Variants in TSPAN15 observed in about 807,000 individuals in gnomAD.
TSPAN15 encodes the protein tetraspanin-15.
In TSPAN15, 20 loss-of-function variants were observed where a neutral mutation model predicts 34.5. That is an observed-to-expected ratio of 0.58 (90% CI 0.41 to 0.84). The LOEUF is 0.84. TSPAN15 is among the 40% of genes least tolerant of loss of function. TSPAN15 has a pLI of 0.00. For synonymous variants in TSPAN15, 155 were observed against 153.9 expected (o/e 1.01, Z -0.05); for missense variants, 313 against 386.1 (o/e 0.81, Z 1.59).
chr10:69,472,792 G>C (rs527574243), intron 1 of TSPAN15, among the ~76,000 whole-genome samples: 16 of 152,364 alleles, frequency 1.1e-4, no homozygotes, highest in Admixed American at 4.6e-4. Context: ...ATTGTGGTTT[G>C]TTTGGCCATT....
intron 1 of TSPAN15, among the ~76,000 whole-genome samples, chr10:69,454,653 C>T (rs942500791): frequency 1.3e-5 from 2 of 152,050 alleles, no homozygotes; most frequent in African/African-American, 4.8e-5. Context: ...TCTGTCTCTA[C>T]TAAAAATACA....
At position 69,507,078 on chromosome 10, in the gene TSPAN15, C is replaced by G. The variant is rs756084852; in HGVS notation, c.*100C>G. 1 of 1,530,960 alleles carries G rather than the reference C, an allele frequency of 6.5e-7. No individual in the cohort carries two copies. The highest frequency in any genetic ancestry group is 1.4e-5 in the African/African-American group (1 of 72,294). 94.8% of individuals were successfully genotyped at this position (1,530,960 alleles called of 1,614,324 possible). A position where few individuals can be genotyped will look rare whatever the true frequency, so the allele number is the denominator to read the frequency against. On this transcript the variant is annotated 3_prime_UTR_variant, in exon 8 of 8. Transcript: ENST00000373290. ...CAGGGCTGCGGCCCCTCTGCCCACA[C>G]TCAGTACTGACCAAAGCCAGGGCTG... is the stretch of plus-strand genomic sequence containing the variant.
chr10:69,523,850 C>A, the TSPAN15 span, among the ~76,000 whole-genome samples: 3 of 148,072 alleles, frequency 2.0e-5, 1 homozygote, highest in Non-Finnish European at 4.5e-5. Flanking sequence ...AGCCCTCCAA[C>A]TTTATTCCTC....
intron 1 of TSPAN15, among the ~76,000 whole-genome samples, chr10:69,452,051 C>T (rs1385664709): frequency 6.6e-6 from 1 of 152,268 alleles, no homozygotes; most frequent in Non-Finnish European, 1.5e-5. Flanking sequence ...CTGCATCGGC[C>T]TGTGGAGCTT....
the TSPAN15 span, among the ~76,000 whole-genome samples, chr10:69,546,732 T>A: frequency 6.6e-6 from 1 of 152,150 alleles, no homozygotes; most frequent in Admixed American, 6.5e-5. Flanking sequence ...CTACTAAGTC[T>A]CCATCATCTC....
chr10:69,484,528 C>T (rs981053163), intron 2 of TSPAN15, among the ~76,000 whole-genome samples: 3 of 152,216 alleles, frequency 2.0e-5, no homozygotes, highest in Non-Finnish European at 4.4e-5. Context: ...ATTCACTCTG[C>T]ACTTGTGTGT....
chr10:69,519,944 C>G, the TSPAN15 span, among the ~76,000 whole-genome samples: 1 of 152,186 alleles, frequency 6.6e-6, no homozygotes, highest in African/African-American at 2.4e-5. Flanking sequence ...GTTGGCCAGG[C>G]TGGTCTTGAA....
chr10:69,465,514 G>A lies in TSPAN15; in HGVS notation c.96+13824G>A, dbSNP rs114142415. On this transcript the variant is annotated intron_variant, in intron 1 of 7. Coordinates refer to ENST00000373290, the MANE Select transcript of TSPAN15 (RefSeq NM_012339.5). The stretch of plus-strand genomic sequence containing the variant: ...TAGGTTGTCCTATATTGTCTTTAAA[G>A]CTAACAGTTAACGAGCCCTTCTTGT... Among the ~76,000 whole-genome samples the A allele has an allele frequency of 4.1e-3, 620 of 152,264 alleles. 5 individuals are homozygous for A. Among genetic ancestry groups the A allele is most frequent in the African/African-American group, 0.013 (558 of 41,536 alleles).
At chr10:69,501,663 C>T (rs1241583418) in intron 5 of TSPAN15, among the ~76,000 whole-genome samples, 1 of 152,204 alleles carries the variant, frequency 6.6e-6, no homozygotes, top group Non-Finnish European at 1.5e-5. Flanking sequence ...CTCATGGACT[C>T]ACTGAAAAGG....
In TSPAN15 at chr10:69,483,693, G is replaced by A. The variant is rs1349557320; in HGVS notation, c.99G>A (p.Leu33=). Residue 33 remains leucine, a splice_region_variant and synonymous_variant, in exon 2 of 8, where the codon CTG becomes CTA. Transcript: ENST00000373290. ...SLIIYSTVFW[L]IGALVLSVGI... Reference sequence around the variant, plus strand: ...CACCCTCTGTTTTCTTGCTGCAGCTGATTGGGGCCCTGGTCCTGTCTGTGG... The same window carrying A: ...CACCCTCTGTTTTCTTGCTGCAGCTAATTGGGGCCCTGGTCCTGTCTGTGG... The A allele has an allele frequency of 6.2e-7, 1 of 1,613,154 alleles. No homozygotes were observed.
At chr10:69,469,051 G>A (rs1463299540) in intron 1 of TSPAN15, among the ~76,000 whole-genome samples, 1 of 149,812 alleles carries the variant, frequency 6.7e-6, no homozygotes, top group Admixed American at 6.6e-5. Context: ...TTAGAGGGCT[G>A]GACAGAAAGG....
At chr10:69,492,845 A>AAGTGGGCC (rs1474941104) in intron 3 of TSPAN15, among the ~76,000 whole-genome samples, 1 of 152,124 alleles carries the variant, frequency 6.6e-6, no homozygotes, top group African/African-American at 2.4e-5. Flanking sequence ...GGGGTGCTGT[A>AAGTGGGCC]AGTGGGCCAG....
chr10:69,486,841 G>A (rs1046040766), intron 3 of TSPAN15, among the ~76,000 whole-genome samples: 2 of 152,238 alleles, frequency 1.3e-5, no homozygotes, highest in Admixed American at 1.3e-4. Flanking sequence ...CCTGTTTTAT[G>A]AGCCCCAGGA....
At chr10:69,529,848 C>A in the TSPAN15 span, among the ~76,000 whole-genome samples, 2 of 145,754 alleles carry the variant, frequency 1.4e-5, no homozygotes, top group East Asian at 5.2e-4. Context: ...CCCCCTCCCA[C>A]CCTTCCCCCG....
At chr10:69,470,318 T>A (rs765054592) in intron 1 of TSPAN15, among the ~76,000 whole-genome samples, 3 of 152,192 alleles carry the variant, frequency 2.0e-5, no homozygotes, top group Non-Finnish European at 2.9e-5. Context: ...ACCAGTCCTC[T>A]CCATTGCAAA....
the TSPAN15 span, among the ~76,000 whole-genome samples, chr10:69,519,986 C>T: frequency 6.6e-6 from 1 of 152,196 alleles, no homozygotes; most frequent in South Asian, 2.1e-4. Context: ...CCCGCTTTGG[C>T]CTCCCAAAGT....
chr10:69,490,906 C>T lies in TSPAN15; in HGVS notation c.358-4688C>T, dbSNP rs191250988. ...TGTTTGAATCTGCGGGTACGGAACC[C>T]GTGGATGTGGAGGGCCGGCTGTGTA... On this transcript the variant is annotated intron_variant, in intron 3 of 7. Coordinates refer to ENST00000373290, the MANE Select transcript of TSPAN15 (RefSeq NM_012339.5). 3.7e-4 allele frequency among the ~76,000 whole-genome samples: 57 copies of T among 152,262 alleles called. No homozygotes were observed. The East Asian group carries it at 7.9e-3, about 21-fold the overall frequency.
chr10:69,496,260 T>A (rs909217122), intron 4 of TSPAN15, among the ~76,000 whole-genome samples: 1 of 151,494 alleles, frequency 6.6e-6, no homozygotes, highest in South Asian at 2.1e-4. Context: ...AATGTGATGA[T>A]GATCCTATTC....
the TSPAN15 span, among the ~76,000 whole-genome samples, chr10:69,513,010 A>C: frequency 6.6e-6 from 1 of 152,202 alleles, no homozygotes; most frequent in East Asian, 1.9e-4. Flanking sequence ...GAAACTGCCA[A>C]ACTATTTTCC....
Sources: gnomAD v4.1 joint callset for allele counts (sites outside exome capture counted in the v4.1 genomes callset) on GRCh38, gnomAD v4.1.1 for gene constraint, MANE v1.5 for transcripts, NCBI Gene and HGNC (gene_info 2026-07-23, HGNC 2026-07-21) for gene names.